SAMD12: variants seen among roughly 807,000 people sequenced by gnomAD.
The protein encoded by SAMD12 is sterile alpha motif domain containing 12.
Under a neutral mutation model 15.0 loss-of-function variants are expected in SAMD12, and 9 were observed. The ratio of observed to expected loss-of-function variants is 0.60; its 90% CI spans 0.36 to 1.05. The LOEUF is 1.05. Among genes scored for constraint, SAMD12 ranks in the 50% least tolerant of loss-of-function variants. The pLI, the probability that SAMD12 is intolerant of heterozygous loss-of-function variation, is 0.01. For missense variants in SAMD12, 230 were observed against 234.2 expected (o/e 0.98, Z 0.12); for synonymous variants, 86 against 90.1 (o/e 0.96, Z 0.25).
chr8:118,594,236 GA>G (rs371218606), intron 1 of SAMD12, among the ~76,000 whole-genome samples: 43 of 111,146 alleles, frequency 3.9e-4, no homozygotes, highest in African/African-American at 1.4e-3. Flanking sequence ...GCAAAATGAA[GA>G]AAAAAAACAG....
At chr8:118,417,621 GAT>G (rs1462434426) in intron 3 of SAMD12, among the ~76,000 whole-genome samples, 1 of 151,980 alleles carries the variant, frequency 6.6e-6, no homozygotes, top group Non-Finnish European at 1.5e-5. Context: ...CTTCAATAGA[GAT>G]AATGATAAAA....
intron 1 of SAMD12, among the ~76,000 whole-genome samples, chr8:118,619,859 A>G (rs1326622063): frequency 6.6e-6 from 1 of 152,232 alleles, no homozygotes; most frequent in Non-Finnish European, 1.5e-5. Flanking sequence ...AAGGCTTGAA[A>G]GACCAAGTAG....
At chr8:118,334,968 A>T (rs150050547) in intron 4 of SAMD12, among the ~76,000 whole-genome samples, 90 of 152,196 alleles carry the variant, frequency 5.9e-4, no homozygotes, top group African/African-American at 2.1e-3. Context: ...ACATTTTCTC[A>T]GCGAGTCCCA....
chr8:118,160,426 T>C, the SAMD12 span, among the ~76,000 whole-genome samples: 2 of 152,220 alleles, frequency 1.3e-5, no homozygotes, highest in Non-Finnish European at 2.9e-5. Context: ...ATTTATACTA[T>C]CTGATTTTAA....
intron 2 of SAMD12, among the ~76,000 whole-genome samples, chr8:118,450,332 C>T (rs1296204309): frequency 6.6e-6 from 1 of 152,166 alleles, no homozygotes; most frequent in Non-Finnish European, 1.5e-5. Context: ...TTCTTCCTAT[C>T]AGCCCAGAAT....
At chr8:118,301,412 GT>G (rs1815020651) in intron 4 of SAMD12, among the ~76,000 whole-genome samples, 1 of 152,162 alleles carries the variant, frequency 6.6e-6, no homozygotes, top group African/African-American at 2.4e-5. Context: ...AGGGTGGGCC[GT>G]TCAAAGCCAA....
chr8:118,156,649 G>A, the SAMD12 span, among the ~76,000 whole-genome samples: 1 of 152,084 alleles, frequency 6.6e-6, no homozygotes, highest in Non-Finnish European at 1.5e-5. Flanking sequence ...GTGTTCAACG[G>A]GCATCTATTA....
chr8:118,224,938 T>C (rs17507641), intron 4 of SAMD12, among the ~76,000 whole-genome samples: 61 of 152,326 alleles, frequency 4.0e-4, no homozygotes, highest in African/African-American at 1.4e-3. Context: ...ACTAAAAACG[T>C]TTTGGGTTTA....
At position 118,505,161 on chromosome 8, in the gene SAMD12, C is replaced by A. The variant is rs186573077; in HGVS notation, c.193-65200G>T. On this transcript the variant is annotated intron_variant, in intron 2 of 3. Transcript: ENST00000314727. ...TGGTTCCAACTTCTTCTGTATCTGGCACTAGTTGGAATAAGATGGCATCAC... is the reference window on the plus strand; with the variant it reads ...TGGTTCCAACTTCTTCTGTATCTGGAACTAGTTGGAATAAGATGGCATCAC... 2.6e-5 allele frequency among the ~76,000 whole-genome samples: 4 copies of A among 152,272 alleles called. No individual in the cohort carries two copies. In the East Asian group the frequency reaches 5.8e-4, roughly 22 times the overall value.
intron 1 of SAMD12, among the ~76,000 whole-genome samples, chr8:118,596,070 GA>G (rs1827715947): frequency 6.6e-6 from 1 of 152,188 alleles, no homozygotes; most frequent in South Asian, 2.1e-4. Flanking sequence ...ATAACCAGAG[GA>G]AGAGCATACC....
chr8:118,449,842 A>G (rs74539705), intron 2 of SAMD12, among the ~76,000 whole-genome samples: 3,537 of 151,230 alleles, frequency 0.023, 128 homozygotes, highest in African/African-American at 0.081. Flanking sequence ...GTGAGAAAAT[A>G]TAGAAAAAGG....
At chr8:118,473,642 C>T (rs1217162588) in intron 2 of SAMD12, among the ~76,000 whole-genome samples, 1 of 152,168 alleles carries the variant, frequency 6.6e-6, no homozygotes, top group Admixed American at 6.5e-5. Flanking sequence ...CCTCACCCTC[C>T]TCACTTGCAC....
chr8:118,270,361 T>C (rs2130107468), intron 4 of SAMD12, among the ~76,000 whole-genome samples: 1 of 152,328 alleles, frequency 6.6e-6, no homozygotes, highest in Non-Finnish European at 1.5e-5. Flanking sequence ...TATATGTTTG[T>C]GTATTTTTCT....
intron 3 of SAMD12, among the ~76,000 whole-genome samples, chr8:118,396,003 T>G (rs1352037799): frequency 2.6e-5 from 4 of 152,110 alleles, no homozygotes; most frequent in African/African-American, 9.7e-5. Flanking sequence ...TGAGTTTTTT[T>G]GTATAATTTT....
chr8:118,283,258 T>A (rs1006202567), intron 4 of SAMD12, among the ~76,000 whole-genome samples: 1 of 152,194 alleles, frequency 6.6e-6, no homozygotes, highest in Non-Finnish European at 1.5e-5. Flanking sequence ...TTCATTTAGA[T>A]CTTATTCCTA....
rs866700925 is a variant in SAMD12, at chr8:118,551,775, G to A, written c.192+28940C>T. Among the ~76,000 whole-genome samples the A allele has an allele frequency of 4.8e-3, 727 of 151,314 alleles. 3 individuals are homozygous for A. Among genetic ancestry groups the A allele is most frequent in the African/African-American group, 8.3e-3 (340 of 41,208 alleles). On this transcript the variant is annotated intron_variant, in intron 2 of 3. Transcript: ENST00000314727. ...AAAGGATCAACAAAATTGATAGACC[G>A]CTAGCAAGACTAATAAAGAAAAAAA...
At chr8:118,475,052 A>G (rs908302825) in intron 2 of SAMD12, among the ~76,000 whole-genome samples, 1 of 152,138 alleles carries the variant, frequency 6.6e-6, no homozygotes, top group Non-Finnish European at 1.5e-5. Context: ...CAGCCTGGCC[A>G]ACATGGTGAA....
At chr8:118,534,848 GT>G (rs1374443537) in intron 2 of SAMD12, among the ~76,000 whole-genome samples, 1 of 152,020 alleles carries the variant, frequency 6.6e-6, no homozygotes, top group Non-Finnish European at 1.5e-5. Flanking sequence ...TTCATCCAAT[GT>G]TTTTTTCAAG....
chr8:118,409,707 G>A (rs1318094534), intron 3 of SAMD12, among the ~76,000 whole-genome samples: 2 of 136,898 alleles, frequency 1.5e-5, no homozygotes, highest in Admixed American at 1.4e-4. Context: ...CTACTTACAT[G>A]TACCTGGCTA....
Sources: gnomAD v4.1 joint callset for allele counts (sites outside exome capture counted in the v4.1 genomes callset) on GRCh38, gnomAD v4.1.1 for gene constraint, MANE v1.5 for transcripts, NCBI Gene and HGNC (gene_info 2026-07-23, HGNC 2026-07-21) for gene names.